The following PLSCR2 variants were observed in gnomAD, a reference collection of about 807,000 sequenced individuals.
PLSCR2 encodes phospholipid scramblase 2.
Under a neutral mutation model 25.3 loss-of-function variants are expected in PLSCR2, and 18 were observed. That is an observed-to-expected ratio of 0.71 (90% CI 0.49 to 1.06). The LOEUF (loss-of-function observed/expected upper bound fraction) is 1.06, where lower values mean the gene tolerates loss of function less well. Among genes scored for constraint, PLSCR2 ranks in the 50% least tolerant of loss-of-function variants. The pLI, the probability that PLSCR2 is intolerant of heterozygous loss-of-function variation, is 0.00. For missense variants in PLSCR2, 243 were observed against 269.5 expected (o/e 0.90, Z 0.69); for synonymous variants, 88 against 87.3 (o/e 1.01, Z -0.04).
chr3:146,433,130 T>A (rs1289459351), downstream of PLSCR2, among the ~76,000 whole-genome samples: 3 of 152,138 alleles, frequency 2.0e-5, no homozygotes, highest in African/African-American at 7.2e-5. Context: ...TTTTATGCAA[T>A]CTGTTGTTCT....
intron 6 of PLSCR2, among the ~76,000 whole-genome samples, chr3:146,442,599 C>G (rs541925727): frequency 2.6e-5 from 4 of 152,022 alleles, no homozygotes; most frequent in Non-Finnish European, 4.4e-5. Context: ...TTCGTACTTG[C>G]ATAGAAAGAG....
At chr3:146,444,307 G>T (rs966049011) in intron 6 of PLSCR2, among the ~76,000 whole-genome samples, 7 of 151,836 alleles carry the variant, frequency 4.6e-5, no homozygotes, top group African/African-American at 1.7e-4. Flanking sequence ...TCAATTTGAT[G>T]TTTTTTTGTT....
chr3:146,476,358 A>G (rs2042284926), intron 1 of PLSCR2, among the ~76,000 whole-genome samples: 1 of 152,122 alleles, frequency 6.6e-6, no homozygotes, highest in Non-Finnish European at 1.5e-5. Context: ...CAGCCTGGGG[A>G]TCTGTGCTTT....
chr3:146,482,434 T>A (rs1230160363), intron 1 of PLSCR2, among the ~76,000 whole-genome samples: 3 of 152,130 alleles, frequency 2.0e-5, no homozygotes, highest in African/African-American at 7.2e-5. Context: ...CAGACACTTC[T>A]CAAAAGAAGA....
chr3:146,485,620 T>A (rs2043311055), intron 1 of PLSCR2, among the ~76,000 whole-genome samples: 1 of 152,040 alleles, frequency 6.6e-6, no homozygotes, highest in Admixed American at 6.6e-5. Flanking sequence ...CACAGCACAA[T>A]CAAATTAAAA....
chr3:146,434,143 T>G (rs1046664155), intron 8 of PLSCR2, among the ~76,000 whole-genome samples: 6 of 152,116 alleles, frequency 3.9e-5, no homozygotes, highest in Admixed American at 3.3e-4. Context: ...ATGCTGAACG[T>G]TATTAAAAAT....
At chr3:146,418,784 T>C (rs1246675862) in intron 2 of PLSCR2, among the ~76,000 whole-genome samples, 2 of 152,168 alleles carry the variant, frequency 1.3e-5, no homozygotes, top group African/African-American at 4.8e-5. Flanking sequence ...TGAATTTCTT[T>C]TATTTCTTCC....
At chr3:146,453,348 T>G (rs2041010280) in intron 5 of PLSCR2, among the ~76,000 whole-genome samples, 1 of 152,104 alleles carries the variant, frequency 6.6e-6, no homozygotes, top group African/African-American at 2.4e-5. Context: ...GATTAAGTTA[T>G]AAAACCTTCT....
chr3:146,481,282 G>A (rs1185482017), intron 1 of PLSCR2, among the ~76,000 whole-genome samples: 1 of 152,136 alleles, frequency 6.6e-6, no homozygotes, highest in Non-Finnish European at 1.5e-5. Context: ...AGGAAAATAG[G>A]AAGTCAAATT....
chr3:146,454,005 A>C (rs1335598945), exon 5 of PLSCR2: 2 of 1,565,494 alleles, frequency 1.3e-6, no homozygotes, highest in Admixed American at 4.3e-5. Context: ...CTCTTACCTC[A>C]AAATCAACAC....
intron 2 of PLSCR2, among the ~76,000 whole-genome samples, chr3:146,410,597 C>CA (rs1434589327): frequency 1.3e-5 from 2 of 152,068 alleles, no homozygotes; most frequent in South Asian, 2.1e-4. Context: ...CCTCTTGTGA[C>CA]AAAAAAATCA....
chr3:146,402,554 G>A (rs573845838), intron 2 of PLSCR2, among the ~76,000 whole-genome samples: 11 of 151,786 alleles, frequency 7.2e-5, no homozygotes, highest in South Asian at 6.3e-4. Flanking sequence ...TACAACCTCC[G>A]CCTCCCAGGT....
intron 1 of PLSCR2, among the ~76,000 whole-genome samples, chr3:146,485,173 T>A (rs1372041130): frequency 6.6e-6 from 1 of 150,446 alleles, no homozygotes; most frequent in East Asian, 1.9e-4. Flanking sequence ...AAACAGACTT[T>A]AAACCAACAA....
At chr3:146,449,924 T>C (rs2040802610) in intron 5 of PLSCR2, among the ~76,000 whole-genome samples, 1 of 152,122 alleles carries the variant, frequency 6.6e-6, no homozygotes, top group Non-Finnish European at 1.5e-5. Flanking sequence ...AGTAACTTGA[T>C]GGGATGCCTC....
At chr3:146,489,659 TCA>T (rs2043472929) in intron 1 of PLSCR2, among the ~76,000 whole-genome samples, 1 of 152,160 alleles carries the variant, frequency 6.6e-6, no homozygotes, top group Admixed American at 6.6e-5. Flanking sequence ...AAATGATTCC[TCA>T]CAGTTATTGT....
chr3:146,483,929 G>T (rs2043249879), intron 1 of PLSCR2, among the ~76,000 whole-genome samples: 1 of 151,936 alleles, frequency 6.6e-6, no homozygotes, highest in South Asian at 2.1e-4. Context: ...AGAACTCGGT[G>T]AAGGCTGAGA....
Position 146,460,015 on chromosome 3 carries a change from C to G in PLSCR2, c.-111G>C, listed in dbSNP as rs756212569. 2.5e-6 allele frequency: 4 copies of G among 1,607,380 alleles called. No homozygotes were observed. Among genetic ancestry groups the G allele is most frequent in the Admixed American group, 1.7e-5 (1 of 58,660 alleles). On this transcript the variant is annotated 5_prime_UTR_variant, in exon 2 of 7. Coordinates refer to ENST00000610787, the Ensembl canonical transcript of PLSCR2. ...CGTCCTGGGTAGAAGGCCTGGGAGC[C>G]CAGGTGGTCAGCCTGTTTCCCAGTG...
intron 6 of PLSCR2, among the ~76,000 whole-genome samples, chr3:146,448,074 T>C (rs1443597753): frequency 6.6e-6 from 1 of 152,102 alleles, no homozygotes; most frequent in Non-Finnish European, 1.5e-5. Flanking sequence ...AGGAGTGATT[T>C]AGGTGATTCA....
downstream of PLSCR2, among the ~76,000 whole-genome samples, chr3:146,428,626 T>C (rs1366699342): frequency 2.0e-5 from 3 of 152,206 alleles, no homozygotes; most frequent in Non-Finnish European, 4.4e-5. Context: ...TGTTCAGTTA[T>C]GTTTCATCTG....
Sources: gnomAD v4.1 joint callset for allele counts (sites outside exome capture counted in the v4.1 genomes callset) on GRCh38, gnomAD v4.1.1 for gene constraint, MANE v1.5 for transcripts, NCBI Gene and HGNC (gene_info 2026-07-23, HGNC 2026-07-21) for gene names.